Variants in STRN3 observed in about 807,000 individuals in gnomAD.
STRN3 encodes the protein striatin 3.
Under a neutral mutation model 95.6 loss-of-function variants are expected in STRN3, and 29 were observed. The observed-to-expected ratio is 0.30, with a 90% CI of 0.23 to 0.41. The LOEUF (loss-of-function observed/expected upper bound fraction) is 0.41, where lower values mean the gene tolerates loss of function less well. Ranked by LOEUF, STRN3 falls within the 10% of genes least tolerant of loss-of-function variation. STRN3 has a pLI of 1.00. For synonymous variants in STRN3, 331 were observed against 357.6 expected (o/e 0.93, Z 0.84); for missense variants, 890 against 972.1 (o/e 0.92, Z 1.12).
chr14:31,016,967 C>A (rs1883266520), intron 1 of STRN3, among the ~76,000 whole-genome samples: 1 of 151,560 alleles, frequency 6.6e-6, no homozygotes, highest in African/African-American at 2.4e-5. Flanking sequence ...CCAGCCTCAG[C>A]AACTTAGCAA....
At chr14:30,950,773 C>A (rs1879598912) in intron 4 of STRN3, 90 bp downstream of exon 4, 2 of 1,200,800 alleles carry the variant, frequency 1.7e-6, no homozygotes, top group East Asian at 2.4e-5. Context: ...ACACATTGTC[C>A]CAATATGATT....
chr14:30,996,013 T>A (rs192300065), intron 1 of STRN3, among the ~76,000 whole-genome samples: 1 of 152,326 alleles, frequency 6.6e-6, no homozygotes. Context: ...CTGAGGGCTA[T>A]CCCAGCTGCA....
At chr14:31,000,843 A>G (rs79433878) in intron 1 of STRN3, among the ~76,000 whole-genome samples, 3 of 55,908 alleles carry the variant, frequency 5.4e-5, no homozygotes, top group South Asian at 4.1e-4. Context: ...GCCGATGAAG[A>G]AAAAAAAAAA....
intron 1 of STRN3, among the ~76,000 whole-genome samples, chr14:30,978,930 A>G (rs1169524225): frequency 6.7e-6 from 1 of 148,420 alleles, no homozygotes; most frequent in African/African-American, 2.5e-5. Flanking sequence ...GCTACTCAGG[A>G]GGCTGAGGCA....
chr14:31,008,138 C>T (rs1287866782), intron 1 of STRN3, among the ~76,000 whole-genome samples: 3 of 151,742 alleles, frequency 2.0e-5, no homozygotes, highest in African/African-American at 7.3e-5. Context: ...TTGCAGTGAG[C>T]CAAGATCACG....
rs1354201451 is a variant in STRN3 at position 30,919,071 on chromosome 14, C to G, written c.1135G>C (p.Asp379His). 2.0e-5 allele frequency: 32 copies of G among 1,610,932 alleles called. No individual in the cohort carries two copies. The highest frequency in any genetic ancestry group is 2.6e-5 in the Non-Finnish European group (31 of 1,178,252). ...NRTKLYDMIA[D>H]LGDDELPHIP... is the part of the protein sequence containing the mutation. ...TGGGGCAGCTCATCATCTCCCAGAT[C>G]AGCTATCATGTCGTAGAGTTTTGTC... Residue 379 changes from aspartate to histidine, a missense_variant, in exon 9 of 18, where the codon GAT (aspartate) becomes CAT (histidine). Asp to His is a moderately conservative substitution (Grantham distance 81). Coordinates refer to ENST00000357479, the MANE Select transcript of STRN3 (RefSeq NM_001083893.2).
intron 1 of STRN3, chr14:31,025,590 G>A (rs1883795385): frequency 9.1e-6 from 4 of 438,602 alleles, no homozygotes; most frequent in Non-Finnish European, 1.7e-5. Flanking sequence ...AGAGGTGCTC[G>A]GTCCCAAGCC....
chr14:30,994,122 C>T (rs567615182), intron 1 of STRN3, among the ~76,000 whole-genome samples: 34 of 151,940 alleles, frequency 2.2e-4, no homozygotes, highest in South Asian at 6.2e-4. Context: ...GTGATCCGCC[C>T]GCCTCGGCCT....
chr14:30,979,197 T>G (rs1881265729), intron 1 of STRN3, among the ~76,000 whole-genome samples: 1 of 152,030 alleles, frequency 6.6e-6, no homozygotes, highest in African/African-American at 2.4e-5. Context: ...ACCTTAAGCA[T>G]AAAGCTAACA....
At position 30,952,528 on chromosome 14, in the gene STRN3, C is replaced by T. The variant is rs1356457102; in HGVS notation, c.461-1584G>A. 2.0e-5 allele frequency among the ~76,000 whole-genome samples: 3 copies of T among 152,048 alleles called. No individual in the cohort carries two copies. The East Asian group carries it at 5.8e-4, about 30-fold the overall frequency. ...CAGCCTGGGAAACATGTCAAAACCT[C>T]ATCTCTACAAAAAATGCAAAAATTA... On this transcript the variant is annotated intron_variant, in intron 3 of 17. Transcript: ENST00000357479.
rs1037897327 is a variant in STRN3 at position 30,935,091 on chromosome 14, A to G, written c.988+72T>C. The G allele has an allele frequency of 5.7e-6, 9 of 1,565,484 alleles. No individual in the cohort carries two copies. The African/African-American group carries it at 1.1e-4, about 19-fold the overall frequency. Reference sequence around the variant, plus strand: ...CCATATATTTATACACACATTCCACATATAATATTTAATAATAACCCATCA... The same window carrying G: ...CCATATATTTATACACACATTCCACGTATAATATTTAATAATAACCCATCA... On this transcript the variant is annotated intron_variant, in intron 7 of 17. Coordinates refer to ENST00000357479, the MANE Select transcript of STRN3 (RefSeq NM_001083893.2).
At chr14:30,946,488 G>A (rs1879365848) in intron 5 of STRN3, among the ~76,000 whole-genome samples, 5 of 152,280 alleles carry the variant, frequency 3.3e-5, no homozygotes, top group South Asian at 2.1e-4. Flanking sequence ...AGGCTGCCAT[G>A]AGCCGACAGC....
At chr14:30,914,175 T>C (rs1896677818) in intron 9 of STRN3, among the ~76,000 whole-genome samples, 1 of 152,138 alleles carries the variant, frequency 6.6e-6, no homozygotes, top group Non-Finnish European at 1.5e-5. Flanking sequence ...GTACAAACAT[T>C]GAAATGTAAA....
intron 1 of STRN3, chr14:31,025,208 G>A (rs1178204353): frequency 6.6e-6 from 1 of 152,320 alleles, no homozygotes; most frequent in Non-Finnish European, 1.5e-5. Flanking sequence ...GGAGAGTACT[G>A]TAAAAAGAAA....
At chr14:30,909,045 T>C (rs985906320) in intron 13 of STRN3, among the ~76,000 whole-genome samples, 13 of 152,240 alleles carry the variant, frequency 8.5e-5, no homozygotes, top group Admixed American at 4.6e-4. Context: ...CATGCTCAGT[T>C]ACTCACATCA....
At chr14:30,937,048 C>T (rs1368722404) in intron 5 of STRN3, among the ~76,000 whole-genome samples, 2 of 152,186 alleles carry the variant, frequency 1.3e-5, no homozygotes, top group East Asian at 3.9e-4. Context: ...GGGCCAGGGA[C>T]AGTGCTTCAT....
At chr14:30,992,283 C>A (rs1881993814) in intron 1 of STRN3, among the ~76,000 whole-genome samples, 1 of 151,526 alleles carries the variant, frequency 6.6e-6, no homozygotes, top group Non-Finnish European at 1.5e-5. Flanking sequence ...TGGTGGCGGG[C>A]GCCTATAATC....
In STRN3 at chr14:30,937,010, A is replaced by G. The variant is rs61404362; in HGVS notation, c.717-386T>C. ...TTTGGTCTAAATGTTTGAGGACTAA[A>G]ACAGTAAATACCAAAGTTTATCAGG... On this transcript the variant is annotated intron_variant, in intron 5 of 17. Coordinates refer to ENST00000357479, the MANE Select transcript of STRN3 (RefSeq NM_001083893.2). 3.8e-3 allele frequency among the ~76,000 whole-genome samples: 576 copies of G among 152,304 alleles called. 2 individuals carry two copies. Among genetic ancestry groups the G allele is most frequent in the African/African-American group, 0.013 (541 of 41,562 alleles).
intron 1 of STRN3, among the ~76,000 whole-genome samples, chr14:30,971,830 A>C (rs950372213): frequency 6.6e-5 from 10 of 152,140 alleles, no homozygotes; most frequent in African/African-American, 2.4e-4. Context: ...TTGCAGCCAT[A>C]ATAGGTGTAC....
Sources: allele counts gnomAD v4.1 joint callset (sites outside exome capture counted in the v4.1 genomes callset), GRCh38; gene constraint gnomAD v4.1.1; transcripts MANE v1.5; gene names NCBI Gene and HGNC (gene_info 2026-07-23, HGNC 2026-07-21).